ZNF420: variants seen among roughly 807,000 people sequenced by gnomAD.
ZNF420 encodes zinc finger protein 420.
Under a neutral mutation model 44.7 loss-of-function variants are expected in ZNF420, and 31 were observed. The ratio of observed to expected loss-of-function variants is 0.69; its 90% CI spans 0.52 to 0.94. The LOEUF (loss-of-function observed/expected upper bound fraction) is 0.94. ZNF420 is among the 40% of genes least tolerant of loss of function. The pLI, the probability that ZNF420 is intolerant of heterozygous loss-of-function variation, is 0.00. For synonymous variants in ZNF420, 245 were observed against 267.4 expected, an observed-to-expected ratio of 0.92 and a Z score of 0.82; for missense variants, 681 against 827.9, an observed-to-expected ratio of 0.82 and a Z score of 2.18.
rs780915642 is a variant in ZNF420 at position 37,127,159 on chromosome 19, A to G, written c.168A>G (p.Leu56=). 6.5e-7 allele frequency: 1 copy of G among 1,540,250 alleles called. No individual in the cohort carries two copies. The highest frequency in any genetic ancestry group is 2.1e-5 in the Admixed American group (1 of 47,852). Reference sequence around the variant, plus strand: ...CTTCAAGGTGTGCAAGTAAGGACTTATCTCCAGAAAAGAACACTTATGAAA... The same window carrying G: ...CTTCAAGGTGTGCAAGTAAGGACTTGTCTCCAGAAAAGAACACTTATGAAA... ...DLPSRCASKD[L]SPEKNTYETE... is the part of the protein sequence containing the mutation. The change falls in exon 5 of 5, where the codon TTA becomes TTG. Residue 56 remains leucine, a synonymous_variant. Transcript: ENST00000337995.
At chr19:37,031,114 C>T (rs976183221) in intron 1 of ZNF420, among the ~76,000 whole-genome samples, 2 of 152,124 alleles carry the variant, frequency 1.3e-5, no homozygotes, top group Non-Finnish European at 2.9e-5. Flanking sequence ...CTTGGCCTCC[C>T]AAAGTGCTGA....
intron 1 of ZNF420, among the ~76,000 whole-genome samples, chr19:37,013,454 C>T (rs1351474240): frequency 6.6e-6 from 1 of 152,164 alleles, no homozygotes; most frequent in Admixed American, 6.5e-5. Context: ...TTTGCCTGAC[C>T]TCTCAACGTG....
chr19:37,102,610 C>T (rs974944164), intron 4 of ZNF420, among the ~76,000 whole-genome samples: 4 of 152,198 alleles, frequency 2.6e-5, no homozygotes, highest in East Asian at 1.9e-4. Flanking sequence ...CAGCCACCTG[C>T]GTGCCAGTCT....
intron 1 of ZNF420, among the ~76,000 whole-genome samples, chr19:37,050,690 A>G (rs1351070022): frequency 6.6e-6 from 1 of 152,142 alleles, no homozygotes; most frequent in Non-Finnish European, 1.5e-5. Context: ...TCTTTTCCTA[A>G]TTGAATACCC....
intron 1 of ZNF420, among the ~76,000 whole-genome samples, chr19:37,008,950 G>C (rs2074548491): frequency 6.6e-6 from 1 of 152,220 alleles, no homozygotes; most frequent in African/African-American, 2.4e-5. Flanking sequence ...TTGGGCACGT[G>C]TGAAGATCCT....
chr19:37,057,027 C>T (rs2146433782), intron 1 of ZNF420, among the ~76,000 whole-genome samples: 1 of 152,374 alleles, frequency 6.6e-6, no homozygotes, highest in Middle Eastern at 3.4e-3. Context: ...AGCCAATTCT[C>T]CCATCACAGT....
At chr19:37,019,731 C>T (rs1053964581) in intron 1 of ZNF420, among the ~76,000 whole-genome samples, 1 of 150,800 alleles carries the variant, frequency 6.6e-6, no homozygotes, top group Non-Finnish European at 1.5e-5. Context: ...TTGACCACTG[C>T]ACTCCCAATT....
intron 1 of ZNF420, among the ~76,000 whole-genome samples, chr19:37,067,133 T>C (rs531906964): frequency 6.6e-6 from 1 of 152,296 alleles, no homozygotes; most frequent in Non-Finnish European, 1.5e-5. Context: ...ATGGCAGTTG[T>C]TTCTGGATAT....
chr19:37,031,246 C>T (rs1392923380), intron 1 of ZNF420, among the ~76,000 whole-genome samples: 2 of 152,206 alleles, frequency 1.3e-5, no homozygotes, highest in Middle Eastern at 3.4e-3. Flanking sequence ...TTCCATTCAC[C>T]CTCCTTTGCT....
chr19:37,058,789 A>G (rs1967807227), intron 1 of ZNF420, among the ~76,000 whole-genome samples: 1 of 152,078 alleles, frequency 6.6e-6, no homozygotes, highest in Non-Finnish European at 1.5e-5. Flanking sequence ...ATCTGCTCTT[A>G]GGGAAGCCAG....
At chr19:37,103,737 T>C (rs1191255593) in intron 4 of ZNF420, among the ~76,000 whole-genome samples, 1 of 152,220 alleles carries the variant, frequency 6.6e-6, no homozygotes, top group East Asian at 1.9e-4. Flanking sequence ...TTAAGGACAC[T>C]GTTGAAGCAA....
chr19:37,025,537 T>TA (rs1967140380), intron 1 of ZNF420, among the ~76,000 whole-genome samples: 1 of 152,148 alleles, frequency 6.6e-6, no homozygotes, highest in Admixed American at 6.5e-5. Flanking sequence ...TGGTCTTTTT[T>TA]ATCTTCTGTG....
chr19:37,037,342 T>C (rs958471699), intron 1 of ZNF420, among the ~76,000 whole-genome samples: 7 of 152,180 alleles, frequency 4.6e-5, no homozygotes, highest in African/African-American at 1.4e-4. Flanking sequence ...CTTGCCGAGA[T>C]GGATGGCTAC....
At chr19:37,041,345 A>G (rs577641691) in intron 1 of ZNF420, among the ~76,000 whole-genome samples, 1 of 152,018 alleles carries the variant, frequency 6.6e-6, no homozygotes, top group Admixed American at 6.6e-5. Context: ...AACATGTTAC[A>G]TAATTTATAT....
chr19:37,043,047 C>T (rs796389892), intron 1 of ZNF420, among the ~76,000 whole-genome samples: 17 of 152,242 alleles, frequency 1.1e-4, no homozygotes, highest in African/African-American at 3.9e-4. Flanking sequence ...CGTATAGGGA[C>T]CTGATTCATG....
At position 37,127,493 on chromosome 19, in the gene ZNF420, G is replaced by A; in HGVS notation, c.502G>A (p.Glu168Lys). The A allele has an allele frequency of 3.1e-6, 5 of 1,613,858 alleles. No individual in the cohort carries two copies. The highest frequency in any genetic ancestry group is 3.4e-6 in the Non-Finnish European group (4 of 1,179,898). Residue 168 changes from glutamate to lysine, a missense_variant, in exon 5 of 5, where the codon GAA (glutamate) becomes AAA (lysine). Around this residue, in one of 3 missense-constraint regions of ZNF420, gnomAD observed 350 missense variants for 382.5 expected, o/e 0.92. Transcript: ENST00000337995. The stretch of plus-strand genomic sequence containing the variant: ...TATTCATACTGGTGAAAAACCCTAT[G>A]AATGTAAGCAATGCGGGAAGGCCTT... ...QSIHTGEKPY[E>K]CKQCGKAFSR...
intron 1 of ZNF420, among the ~76,000 whole-genome samples, chr19:37,037,052 C>T (rs781012376): frequency 6.6e-5 from 10 of 152,168 alleles, no homozygotes; most frequent in African/African-American, 9.6e-5. Context: ...AGAAGCCTTG[C>T]GTACCCCCGT....
At chr19:37,078,166 C>T (rs868334460), upstream of ZNF420, 2 of 152,306 alleles carry the variant, frequency 1.3e-5, no homozygotes, top group African/African-American at 4.8e-5. Flanking sequence ...AGCTCGCTCT[C>T]GCAGGCCCTG....
intron 4 of ZNF420, among the ~76,000 whole-genome samples, chr19:37,093,619 A>G (rs189856045): frequency 5.9e-5 from 9 of 152,316 alleles, no homozygotes; most frequent in Admixed American, 5.9e-4. Context: ...CTGACACTGG[A>G]GATTACATTC....
Sources: gnomAD v4.1 joint callset for allele counts (sites outside exome capture counted in the v4.1 genomes callset) on GRCh38, gnomAD v4.1.1 for gene constraint, gnomAD v4.1.1 regional missense constraint, MANE v1.5 for transcripts, NCBI Gene and HGNC (gene_info 2026-07-23, HGNC 2026-07-21) for gene names.